KHDRBS2: variants seen among roughly 807,000 people sequenced by gnomAD.
The protein encoded by KHDRBS2 is KH RNA binding domain containing, signal transduction associated 2.
Under a neutral mutation model 44.3 loss-of-function variants are expected in KHDRBS2, and 26 were observed. That is an observed-to-expected ratio of 0.59 (90% CI 0.43 to 0.81). The LOEUF (loss-of-function observed/expected upper bound fraction) is 0.81, where lower values mean the gene tolerates loss of function less well. Ranked by LOEUF, KHDRBS2 falls within the 40% of genes least tolerant of loss-of-function variation. KHDRBS2 has a pLI of 0.00. For synonymous variants in KHDRBS2, 194 were observed against 151.1 expected, an observed-to-expected ratio of 1.28 and a Z score of -2.08; for missense variants, 476 against 433.1, an observed-to-expected ratio of 1.10 and a Z score of -0.88.
chr6:61,669,457 TAAC>T, the KHDRBS2 span, among the ~76,000 whole-genome samples: 2 of 150,856 alleles, frequency 1.3e-5, no homozygotes, highest in Non-Finnish European at 3.0e-5. Flanking sequence ...GATGATTTCT[TAAC>T]AACTTCTAAA....
At chr6:61,904,609 G>A (rs1683960597) in intron 4 of KHDRBS2, among the ~76,000 whole-genome samples, 1 of 152,166 alleles carries the variant, frequency 6.6e-6, no homozygotes, top group African/African-American at 2.4e-5. Flanking sequence ...ATAACCAAAT[G>A]TAGTTAAATG....
chr6:62,127,182 A>G (rs1230070948), intron 2 of KHDRBS2, among the ~76,000 whole-genome samples: 1 of 152,200 alleles, frequency 6.6e-6, no homozygotes, highest in African/African-American at 2.4e-5. Context: ...CAAAACCTAC[A>G]GTATTGAAAT....
chr6:61,768,607 T>C (rs1780354355), intron 6 of KHDRBS2, among the ~76,000 whole-genome samples: 1 of 152,026 alleles, frequency 6.6e-6, no homozygotes, highest in African/African-American at 2.4e-5. Flanking sequence ...TCAGGTTCAC[T>C]AATTCTTTCT....
chr6:62,036,329 T>C, intron 3 of KHDRBS2, among the ~76,000 whole-genome samples: 1 of 151,980 alleles, frequency 6.6e-6, no homozygotes, highest in Non-Finnish European at 1.5e-5. Context: ...CTATGTCCTA[T>C]AAGTAATTTT....
At chr6:62,081,069 G>C (rs965418386) in intron 2 of KHDRBS2, among the ~76,000 whole-genome samples, 2 of 151,936 alleles carry the variant, frequency 1.3e-5, no homozygotes, top group Non-Finnish European at 2.9e-5. Flanking sequence ...TTAAATTCTT[G>C]TAAATCACCA....
intron 3 of KHDRBS2, among the ~76,000 whole-genome samples, chr6:61,983,709 C>T (rs1354010171): frequency 2.0e-5 from 3 of 152,108 alleles, no homozygotes; most frequent in Non-Finnish European, 4.4e-5. Context: ...ATCATTATTG[C>T]TTCACTTAGG....
the KHDRBS2 span, among the ~76,000 whole-genome samples, chr6:61,590,287 T>A: frequency 6.6e-6 from 1 of 152,266 alleles, no homozygotes; most frequent in Non-Finnish European, 1.5e-5. Flanking sequence ...TCCAGAAAGC[T>A]ACAAATACTA....
At chr6:61,684,881 ATATAT>A (rs1208844744) in intron 8 of KHDRBS2, among the ~76,000 whole-genome samples, 2 of 151,364 alleles carry the variant, frequency 1.3e-5, no homozygotes, top group Non-Finnish European at 3.0e-5. Context: ...TTAAAGTATC[ATATAT>A]TATAAGAAAT....
At chr6:61,668,151 T>C in the KHDRBS2 span, among the ~76,000 whole-genome samples, 45 of 151,080 alleles carry the variant, frequency 3.0e-4, no homozygotes, top group African/African-American at 1.1e-3. Flanking sequence ...AATACAGAAC[T>C]CTTAAAATGT....
At chr6:62,034,065 G>C (rs1194549010) in intron 3 of KHDRBS2, among the ~76,000 whole-genome samples, 1 of 151,608 alleles carries the variant, frequency 6.6e-6, no homozygotes, top group African/African-American at 2.4e-5. Context: ...GGAAAATCTA[G>C]AAGAAATGAA....
At chr6:62,002,785 A>G (rs905633706) in intron 3 of KHDRBS2, among the ~76,000 whole-genome samples, 5 of 151,548 alleles carry the variant, frequency 3.3e-5, no homozygotes, top group Admixed American at 3.3e-4. Context: ...GATAAAATAT[A>G]GTATAGGTTA....
At chr6:61,859,730 C>T (rs971261295) in intron 6 of KHDRBS2, among the ~76,000 whole-genome samples, 5 of 151,708 alleles carry the variant, frequency 3.3e-5, no homozygotes, top group East Asian at 3.9e-4. Context: ...TGCAAGTGTG[C>T]GTATCAAAAT....
chr6:61,585,195 G>T, the KHDRBS2 span, among the ~76,000 whole-genome samples: 1 of 151,708 alleles, frequency 6.6e-6, no homozygotes, highest in Non-Finnish European at 1.5e-5. Context: ...TTCATTCAGT[G>T]CATGAAAGAG....
rs1225191825 is a variant in KHDRBS2 at position 62,075,376 on chromosome 6, CACAACCAACAGA to C, written c.220-27394_220-27383del. Among the ~76,000 whole-genome samples, 3 of 151,868 alleles carry C rather than the reference CACAACCAACAGA, an allele frequency of 2.0e-5. No individual in the cohort carries two copies. In the East Asian group the frequency reaches 5.8e-4, roughly 30 times the overall value. On this transcript the variant is annotated intron_variant, in intron 2 of 8. Transcript: ENST00000281156. ...TTGCTGGTGCTTTGATTATGGACCC[CACAACCAACAGA>C]ACTGTGAGCAATAAATTTTGTTGTT... is the stretch of plus-strand genomic sequence containing the variant.
intron 4 of KHDRBS2, among the ~76,000 whole-genome samples, chr6:61,920,680 A>C (rs965950387): frequency 6.6e-6 from 1 of 151,928 alleles, no homozygotes; most frequent in African/African-American, 2.4e-5. Flanking sequence ...TTTTACAGGC[A>C]AATAGTTGAG....
chr6:61,695,530 T>C (rs1767810114), intron 8 of KHDRBS2, among the ~76,000 whole-genome samples: 1 of 152,122 alleles, frequency 6.6e-6, no homozygotes, highest in Admixed American at 6.6e-5. Flanking sequence ...CCATAATAGG[T>C]ACTCCATGTG....
At chr6:62,010,989 G>GTGTTT (rs898563395) in intron 3 of KHDRBS2, among the ~76,000 whole-genome samples, 2 of 151,964 alleles carry the variant, frequency 1.3e-5, no homozygotes, top group African/African-American at 2.4e-5. Context: ...TTACTTTAAA[G>GTGTTT]TGTTTTGTTT....
At chr6:61,961,215 C>T (rs1768633184) in intron 4 of KHDRBS2, among the ~76,000 whole-genome samples, 1 of 151,944 alleles carries the variant, frequency 6.6e-6, no homozygotes, top group South Asian at 2.1e-4. Flanking sequence ...CTTACTATTG[C>T]CAGGGATTTT....
intron 2 of KHDRBS2, among the ~76,000 whole-genome samples, chr6:62,056,341 C>T (rs1790289541): frequency 6.6e-6 from 1 of 151,752 alleles, no homozygotes; most frequent in Non-Finnish European, 1.5e-5. Context: ...AACTCATAAA[C>T]AAGTAAAATT....
Sources: allele counts gnomAD v4.1 joint callset (sites outside exome capture counted in the v4.1 genomes callset), GRCh38; gene constraint gnomAD v4.1.1; transcripts MANE v1.5; gene names NCBI Gene and HGNC (gene_info 2026-07-23, HGNC 2026-07-21).